FAM124A: variants seen among roughly 807,000 people sequenced by gnomAD.
FAM124A encodes the protein protein FAM124A.
Under a neutral mutation model 24.5 loss-of-function variants are expected in FAM124A, and 23 were observed. That is an observed-to-expected ratio of 0.94 (90% CI 0.68 to 1.33). The LOEUF (loss-of-function observed/expected upper bound fraction) is 1.33, where lower values mean the gene tolerates loss of function less well. Among genes scored for constraint, FAM124A ranks in the 40% most tolerant of loss-of-function variants. The pLI is 0.00. For synonymous variants in FAM124A, 287 were observed against 314.7 expected, an observed-to-expected ratio of 0.91 and a Z score of 0.93; for missense variants, 623 against 722.8, an observed-to-expected ratio of 0.86 and a Z score of 1.58.
At chr13:51,274,755 GAA>G (rs908311265) in intron 3 of FAM124A, among the ~76,000 whole-genome samples, 1 of 152,016 alleles carries the variant, frequency 6.6e-6, no homozygotes, top group Non-Finnish European at 1.5e-5. Context: ...ATTCATTCAG[GAA>G]TATATTGAGT....
In FAM124A at chr13:51,222,399, GA is replaced by G. The variant is rs1382766194; in HGVS notation, c.-102del. On this transcript the variant is annotated 5_prime_UTR_variant, in exon 1 of 4. Coordinates refer to ENST00000322475, the MANE Select transcript of FAM124A (RefSeq NM_001242312.2). Reference sequence around the variant, plus strand: ...TTGTTTGCCGGCTCCCGGGCCGCCAGACGCTCGGAGGGAGCCCGGCCGGCTC... The same window carrying G: ...TTGTTTGCCGGCTCCCGGGCCGCCAGCGCTCGGAGGGAGCCCGGCCGGCTC... 5.8e-6 allele frequency: 6 copies of G among 1,043,242 alleles called. No homozygotes were observed. The highest frequency in any genetic ancestry group is 1.7e-5 in the African/African-American group (1 of 59,048). The allele number at this position is 1,043,242 out of a possible 1,614,324, so 64.6% of individuals were successfully genotyped here. A position where few individuals can be genotyped will look rare whatever the true frequency, so the allele number is the denominator to read the frequency against.
chr13:51,248,032 C>T (rs1045891422), intron 2 of FAM124A, among the ~76,000 whole-genome samples: 8 of 152,208 alleles, frequency 5.3e-5, no homozygotes, highest in African/African-American at 1.7e-4. Flanking sequence ...TGGGGGCACA[C>T]GCTTATCAGA....
At chr13:51,236,635 T>A (rs1398627395) in intron 2 of FAM124A, among the ~76,000 whole-genome samples, 1 of 152,230 alleles carries the variant, frequency 6.6e-6, no homozygotes, top group Non-Finnish European at 1.5e-5. Flanking sequence ...ATACATATGA[T>A]CTGTGTTTCC....
At position 51,231,354 on chromosome 13, in the gene FAM124A, C is replaced by G. The variant is rs757775784; in HGVS notation, c.75C>G (p.Asp25Glu). 6.2e-7 allele frequency: 1 copy of G among 1,613,812 alleles called. No homozygotes were observed. The highest frequency in any genetic ancestry group is 1.7e-5 in the Admixed American group (1 of 59,958). The change falls in exon 2 of 4, where the codon GAC (aspartate) becomes GAG (glutamate). Residue 25 changes from aspartate (D) to glutamate (E), a missense_variant. Coordinates refer to ENST00000322475, the MANE Select transcript of FAM124A (RefSeq NM_001242312.2). Reference protein sequence around the residue: ...VDSGAETGGSDYSHLSSTSSE... With the variant: ...VDSGAETGGSEYSHLSSTSSE... ...CTGAGGTCTTGTGTTTCAGGTCCGA[C>G]TACAGCCACCTGTCCTCCACGAGCA...
chr13:51,267,866 C>A (rs1158920636), intron 3 of FAM124A, among the ~76,000 whole-genome samples: 1 of 152,216 alleles, frequency 6.6e-6, no homozygotes, highest in African/African-American at 2.4e-5. Flanking sequence ...TAGAATAACC[C>A]AGTCCCGCCT....
chr13:51,243,996 GC>G (rs1161203224), intron 2 of FAM124A, among the ~76,000 whole-genome samples: 2 of 152,138 alleles, frequency 1.3e-5, no homozygotes, highest in African/African-American at 4.8e-5. Flanking sequence ...GTTGATGGGG[GC>G]TTTAGAAATG....
At chr13:51,248,923 C>T (rs763635291) in intron 2 of FAM124A, among the ~76,000 whole-genome samples, 50 of 152,150 alleles carry the variant, frequency 3.3e-4, no homozygotes, top group Admixed American at 6.5e-5. Flanking sequence ...CTTCTAACTC[C>T]TTATTTTGCC....
rs766920578 is a variant in FAM124A, at chr13:51,251,466, A to T, written c.101-2A>T. The T allele has an allele frequency of 1.3e-6, 2 of 1,500,096 alleles. No individual in the cohort carries two copies. Among genetic ancestry groups the T allele is most frequent in the African/African-American group, 2.8e-5 (2 of 71,440 alleles). 92.9% of individuals were successfully genotyped at this position (1,500,096 alleles called of 1,614,324 possible). Reference sequence around the variant, plus strand: ...ATCCATTCGTTTTTTGCGTGCCCCCAGGTGAGCTTTCCGTTGAAGAGGCGC... The same window carrying T: ...ATCCATTCGTTTTTTGCGTGCCCCCTGGTGAGCTTTCCGTTGAAGAGGCGC... On this transcript the variant is annotated splice_acceptor_variant, in intron 2 of 3. Transcript: ENST00000322475. LOFTEE classifies it high-confidence loss of function. This position sits in a 1 kb window ranked among gnomAD's most constrained non-coding sequence, Gnocchi z 5.3.
At chr13:51,224,427 C>T (rs12184800) in intron 1 of FAM124A, among the ~76,000 whole-genome samples, 2 of 152,042 alleles carry the variant, frequency 1.3e-5, no homozygotes, top group Admixed American at 1.3e-4. Context: ...GCTGAGATCA[C>T]GCCATTGCAC....
At chr13:51,263,799 A>G (rs908974085) in intron 3 of FAM124A, among the ~76,000 whole-genome samples, 2 of 152,236 alleles carry the variant, frequency 1.3e-5, no homozygotes, top group South Asian at 2.1e-4. Flanking sequence ...GAATATATAC[A>G]TGCAGGATAG....
chr13:51,222,413 G>T lies in FAM124A; in HGVS notation c.-89G>T, dbSNP rs1253998627. The T allele has an allele frequency of 1.3e-5, 14 of 1,103,780 alleles. No individual in the cohort carries two copies. The South Asian group carries it at 5.3e-4, about 42-fold the overall frequency. The allele number at this position is 1,103,780 out of a possible 1,614,324, so 68.4% of individuals were successfully genotyped here. On this transcript the variant is annotated 5_prime_UTR_variant, in exon 1 of 4. Coordinates refer to ENST00000322475, the MANE Select transcript of FAM124A (RefSeq NM_001242312.2). Reference sequence around the variant, plus strand: ...CCGGGCCGCCAGACGCTCGGAGGGAGCCCGGCCGGCTCGGACTGGGCGGCC... The same window carrying T: ...CCGGGCCGCCAGACGCTCGGAGGGATCCCGGCCGGCTCGGACTGGGCGGCC...
rs1954269969 is a variant in FAM124A, at chr13:51,222,469, G to T, written c.-33G>T. The T allele has an allele frequency of 5.8e-6, 7 of 1,205,114 alleles. No individual in the cohort carries two copies. The highest frequency in any genetic ancestry group is 7.2e-6 in the Non-Finnish European group (7 of 971,694). The allele number at this position is 1,205,114 out of a possible 1,614,324, so 74.7% of individuals were successfully genotyped here. A position where few individuals can be genotyped will look rare whatever the true frequency, so the allele number is the denominator to read the frequency against. On this transcript the variant is annotated 5_prime_UTR_variant, in exon 1 of 4. Transcript: ENST00000322475. The stretch of plus-strand genomic sequence containing the variant: ...GGAGGGCGCCCCGGGTCACGACGGC[G>T]CCCGCAAGCCGAGCGCGGCCGGGAC...
At chr13:51,265,327 A>G (rs758123380) in intron 3 of FAM124A, among the ~76,000 whole-genome samples, 5 of 152,178 alleles carry the variant, frequency 3.3e-5, no homozygotes, top group African/African-American at 9.7e-5. Context: ...ACCCTTTGCC[A>G]TGGTCCTAAA....
chr13:51,223,538 T>A (rs899433521), intron 1 of FAM124A, among the ~76,000 whole-genome samples: 2 of 152,136 alleles, frequency 1.3e-5, no homozygotes, highest in Non-Finnish European at 2.9e-5. Context: ...ATCTCAGGAT[T>A]TGGCAACCCT....
intron 3 of FAM124A, among the ~76,000 whole-genome samples, chr13:51,277,739 G>A (rs1211089266): frequency 1.3e-5 from 2 of 152,100 alleles, no homozygotes; most frequent in Non-Finnish European, 2.9e-5. Context: ...GGATGCAGTG[G>A]GCTGAGATCG....
chr13:51,278,641 C>T (rs1449740184), intron 3 of FAM124A, among the ~76,000 whole-genome samples: 3 of 152,228 alleles, frequency 2.0e-5, no homozygotes. Context: ...CAGCAGGCAG[C>T]TCCACTGTGC....
intron 3 of FAM124A, among the ~76,000 whole-genome samples, chr13:51,261,980 G>A (rs866358045): frequency 1.3e-5 from 2 of 152,254 alleles, no homozygotes; most frequent in Non-Finnish European, 2.9e-5. Context: ...TTCACAGCTG[G>A]TTCCGATTGT....
Position 51,281,772 on chromosome 13 carries a change from G to A in FAM124A, c.*516G>A, listed in dbSNP as rs1954942618. ...GAACAGTGGCCCTAGGGATGTTTAA[G>A]CACTGCTTATAATGGAAAAAGTCAG... On this transcript the variant is annotated 3_prime_UTR_variant, in exon 4 of 4. Transcript: ENST00000322475. 1 of 152,364 alleles carries A rather than the reference G, an allele frequency of 6.6e-6. No homozygotes were observed. Among genetic ancestry groups the A allele is most frequent in the African/African-American group, 2.4e-5 (1 of 41,440 alleles). The allele number at this position is 152,364 out of a possible 1,614,324, so 9.4% of individuals were successfully genotyped here.
In FAM124A at chr13:51,258,122, G is replaced by T. The variant is rs568797239; in HGVS notation, c.834+5921G>T. The stretch of plus-strand genomic sequence containing the variant: ...GCACCAGCTTGGTCTCTGTTTTCAC[G>T]TTCATATGGCATTCTCCCTGTGTGT... On this transcript the variant is annotated intron_variant, in intron 3 of 3. Coordinates refer to ENST00000322475, the MANE Select transcript of FAM124A (RefSeq NM_001242312.2). This position sits in a 1 kb window ranked among gnomAD's most constrained non-coding sequence, Gnocchi z 4.2. Among the ~76,000 whole-genome samples, 4 of 152,080 alleles carry T rather than the reference G, an allele frequency of 2.6e-5. No homozygotes were observed. The highest frequency in any genetic ancestry group is 4.4e-5 in the Non-Finnish European group (3 of 68,028).
Sources: allele counts gnomAD v4.1 joint callset (sites outside exome capture counted in the v4.1 genomes callset), GRCh38; gene constraint gnomAD v4.1.1; non-coding constraint Gnocchi (gnomAD v3.1); transcripts MANE v1.5; gene names NCBI Gene and HGNC (gene_info 2026-07-23, HGNC 2026-07-21).